Variants in P4HA1 observed in about 807,000 individuals in gnomAD.
The protein encoded by P4HA1 is prolyl 4-hydroxylase subunit alpha 1, also known as prolyl 4-hydroxylase subunit alpha-1.
Under a neutral mutation model 72.8 loss-of-function variants are expected in P4HA1, and 24 were observed. The observed-to-expected ratio is 0.33, with a 90% CI of 0.24 to 0.46. The LOEUF (loss-of-function observed/expected upper bound fraction) is 0.46, where lower values mean the gene tolerates loss of function less well. P4HA1 is among the 20% of genes least tolerant of loss of function. The probability of loss-of-function intolerance (pLI) is 1.00; values close to 1 mark genes in which losing one functional copy is unlikely to be tolerated. For synonymous variants in P4HA1, 201 were observed against 218.8 expected (o/e 0.92, Z 0.72); for missense variants, 446 against 640.6 (o/e 0.70, Z 3.28).
intron 9 of P4HA1, among the ~76,000 whole-genome samples, chr10:73,041,244 A>AG (rs1840725398): frequency 6.6e-6 from 1 of 152,114 alleles, no homozygotes; most frequent in African/African-American, 2.4e-5. Flanking sequence ...CCCCTTAAGC[A>AG]GGCTATAAAA....
rs558094288 is a variant in P4HA1, at chr10:73,053,042, A to G, written c.703+309T>C. Among the ~76,000 whole-genome samples, 9 of 152,342 alleles carry G rather than the reference A, an allele frequency of 5.9e-5. No homozygotes were observed. In the South Asian group the frequency reaches 1.4e-3, roughly 25 times the overall value. ...ATGCAATAAAACATAACACCCTTCA[A>G]AGGAAACTGATTAAAATGGCAACAT... On this transcript the variant is annotated intron_variant, in intron 6 of 14. Coordinates refer to ENST00000394890, the MANE Select transcript of P4HA1 (RefSeq NM_001017962.3).
At chr10:73,028,297 G>A (rs1156724785) in intron 10 of P4HA1, among the ~76,000 whole-genome samples, 1 of 143,598 alleles carries the variant, frequency 7.0e-6, no homozygotes, top group African/African-American at 2.8e-5. Context: ...ATCAAACCGT[G>A]TCACTGTAAA....
chr10:73,007,259 TCACAA>T lies in P4HA1; in HGVS notation c.*958_*962del, dbSNP rs1839814335. Reference sequence around the variant, plus strand: ...TAAGATCATAAATAGGTCATTGTTGTCACAACACATTTCAGAATCTTAAAAAAACA... The same window carrying T: ...TAAGATCATAAATAGGTCATTGTTGTCACATTTCAGAATCTTAAAAAAACA... On this transcript the variant is annotated 3_prime_UTR_variant, in exon 15 of 15. Coordinates refer to ENST00000394890, the MANE Select transcript of P4HA1 (RefSeq NM_001017962.3). The T allele has an allele frequency of 6.6e-6, 1 of 151,910 alleles. No homozygotes were observed. The highest frequency in any genetic ancestry group is 2.5e-5 in the African/African-American group (1 of 40,752). The allele number at this position is 151,910 out of a possible 1,614,324, so 9.4% of individuals were successfully genotyped here. A position where few individuals can be genotyped will look rare whatever the true frequency, so the allele number is the denominator to read the frequency against.
chr10:73,022,207 C>T (rs887558076), intron 10 of P4HA1, among the ~76,000 whole-genome samples: 1 of 152,170 alleles, frequency 6.6e-6, no homozygotes, highest in Admixed American at 6.5e-5. Flanking sequence ...CCCTGACCCC[C>T]GTGTAGCCTA....
At chr10:73,012,419 A>G (rs963365935) in intron 12 of P4HA1, among the ~76,000 whole-genome samples, 3 of 152,196 alleles carry the variant, frequency 2.0e-5, no homozygotes, top group African/African-American at 7.2e-5. Context: ...GAAAATATGC[A>G]AGCCTTTGCA....
At chr10:73,057,733 A>C (rs1841185312) in intron 5 of P4HA1, among the ~76,000 whole-genome samples, 1 of 152,162 alleles carries the variant, frequency 6.6e-6, no homozygotes, top group Non-Finnish European at 1.5e-5. Context: ...GGAAAATTCC[A>C]AAAGGAAAGT....
chr10:73,051,313 A>C (rs1841014681), intron 6 of P4HA1, 64 bp from the exon 7 acceptor site: 1 of 850,528 alleles, frequency 1.2e-6, no homozygotes, highest in South Asian at 1.8e-5. Context: ...ATCAGAATAT[A>C]GTAATATAAA....
At chr10:73,072,447 T>G (rs1474715741) in intron 3 of P4HA1, among the ~76,000 whole-genome samples, 4 of 152,202 alleles carry the variant, frequency 2.6e-5, no homozygotes, top group African/African-American at 9.7e-5. Context: ...GTAAAAGTTG[T>G]GAATGAATCC....
At chr10:73,010,497 A>C (rs1839891305) in intron 13 of P4HA1, among the ~76,000 whole-genome samples, 1 of 152,216 alleles carries the variant, frequency 6.6e-6, no homozygotes, top group South Asian at 2.1e-4. Flanking sequence ...CATTTTAGAA[A>C]TGAAAAATTT....
intron 9 of P4HA1, among the ~76,000 whole-genome samples, chr10:73,031,602 T>A (rs1304946699): frequency 1.3e-5 from 2 of 151,178 alleles, no homozygotes; most frequent in Admixed American, 6.6e-5. Context: ...AATCAATAGA[T>A]AATAGAAAAT....
At chr10:73,008,583 G>A (rs1839843065) in intron 14 of P4HA1, among the ~76,000 whole-genome samples, 1 of 152,160 alleles carries the variant, frequency 6.6e-6, no homozygotes, top group South Asian at 2.1e-4. Flanking sequence ...TGTTCAATGT[G>A]AGGCTTGAAA....
intron 1 of P4HA1, among the ~76,000 whole-genome samples, chr10:73,080,040 A>G (rs1258708909): frequency 6.6e-6 from 1 of 152,186 alleles, no homozygotes; most frequent in Non-Finnish European, 1.5e-5. Context: ...TAGGATCTAT[A>G]AACAGGACAA....
chr10:73,017,006 T>A, intron 10 of P4HA1, 107 bp from the exon 11 acceptor site: 1 of 716,614 alleles, frequency 1.4e-6, no homozygotes, highest in African/African-American at 1.8e-5. Context: ...GGTCAGGTAT[T>A]TACAGAGAAA....
intron 9 of P4HA1, among the ~76,000 whole-genome samples, chr10:73,032,139 C>A (rs1840446411): frequency 6.6e-6 from 1 of 152,152 alleles, no homozygotes; most frequent in South Asian, 2.1e-4. Flanking sequence ...CTCACTTCAG[C>A]CTCTCCCTTC....
At chr10:73,075,171 G>C (rs1841668320) in intron 1 of P4HA1, among the ~76,000 whole-genome samples, 1 of 152,108 alleles carries the variant, frequency 6.6e-6, no homozygotes, top group Non-Finnish European at 1.5e-5. Context: ...GCCATGGTGT[G>C]ATCTTGGCTC....
intron 10 of P4HA1, among the ~76,000 whole-genome samples, chr10:73,025,472 A>T (rs1205016749): frequency 1.3e-5 from 2 of 152,178 alleles, no homozygotes; most frequent in African/African-American, 4.8e-5. Context: ...TCTCAAAATA[A>T]TAAGAGCTAT....
At chr10:73,070,010 G>A (rs777189122) in intron 4 of P4HA1, among the ~76,000 whole-genome samples, 6 of 151,502 alleles carry the variant, frequency 4.0e-5, no homozygotes, top group Non-Finnish European at 5.9e-5. Flanking sequence ...GGGTTTCACC[G>A]TGTTGCCCAG....
intron 10 of P4HA1, 83 bp downstream of exon 10, chr10:73,030,188 G>C (rs1471819688): frequency 1.8e-6 from 1 of 564,386 alleles, no homozygotes; most frequent in Non-Finnish European, 3.0e-6. Flanking sequence ...GCAAATTGAG[G>C]ACTGCCTGTT....
At chr10:73,071,783 T>G (rs1046129816) in intron 4 of P4HA1, among the ~76,000 whole-genome samples, 1 of 152,144 alleles carries the variant, frequency 6.6e-6, no homozygotes, top group Non-Finnish European at 1.5e-5. Flanking sequence ...TGAAGCTATA[T>G]GCCAAATAAT....
Sources: gnomAD v4.1 joint callset for allele counts (sites outside exome capture counted in the v4.1 genomes callset) on GRCh38, gnomAD v4.1.1 for gene constraint, MANE v1.5 for transcripts, NCBI Gene and HGNC (gene_info 2026-07-23, HGNC 2026-07-21) for gene names.